The following HEBP1 variants were observed in gnomAD, a reference collection of about 807,000 sequenced individuals.
HEBP1 encodes heme binding protein 1.
HEBP1 carries 13 observed loss-of-function variants against 20.4 expected under a neutral mutation model. That is an observed-to-expected ratio of 0.64 (90% CI 0.42 to 1.01). The LOEUF (loss-of-function observed/expected upper bound fraction) is 1.01. Ranked by LOEUF, HEBP1 falls within the 50% of genes least tolerant of loss-of-function variation. The pLI, the probability that HEBP1 is intolerant of heterozygous loss-of-function variation, is 0.00. For missense variants in HEBP1, 241 were observed against 247.3 expected (o/e 0.97, Z 0.17); for synonymous variants, 92 against 90.7 (o/e 1.01, Z -0.08).
chr12:12,983,759 A>G, intron 3 of HEBP1: 1 of 456,084 alleles, frequency 2.2e-6, no homozygotes, highest in Non-Finnish European at 4.4e-6. Flanking sequence ...AGAGAATTAA[A>G]AGGAAATGGT....
intron 3 of HEBP1, chr12:12,984,592 G>A (rs1199551207): frequency 6.6e-6 from 1 of 152,206 alleles, no homozygotes; most frequent in Non-Finnish European, 1.5e-5. Context: ...AGAATGTAAA[G>A]TTGTGTTGGT....
chr12:12,978,104 A>G (rs1004029780), intron 3 of HEBP1, among the ~76,000 whole-genome samples: 3 of 150,838 alleles, frequency 2.0e-5, no homozygotes, highest in Admixed American at 6.6e-5. Context: ...CTGAAACAGG[A>G]GAAGTGGATC....
intron 1 of HEBP1, among the ~76,000 whole-genome samples, chr12:12,997,235 C>A (rs1864301873): frequency 6.6e-6 from 1 of 152,076 alleles, no homozygotes; most frequent in African/African-American, 2.4e-5. Flanking sequence ...ATCCCAGAGG[C>A]CCCAAATTAA....
rs559425964 is a variant in HEBP1 at position 12,986,903 on chromosome 12, G to A, written c.398+249C>T. ...TGGCTAATGTAGACATTCACTGTAAGCTTAAGCAAAGCTTAAGCTCGTCCC... is the reference window on the plus strand; with the variant it reads ...TGGCTAATGTAGACATTCACTGTAAACTTAAGCAAAGCTTAAGCTCGTCCC... On this transcript the variant is annotated intron_variant, in intron 3 of 3. Coordinates refer to ENST00000014930, the MANE Select transcript of HEBP1 (RefSeq NM_015987.5). This position sits in a 1 kb window ranked among gnomAD's most constrained non-coding sequence, Gnocchi z 4.3. 7.4e-4 allele frequency: 333 copies of A among 450,832 alleles called. No homozygotes were observed. The highest frequency in any genetic ancestry group is 2.1e-3 in the Admixed American group (56 of 26,326). The allele number at this position is 450,832 out of a possible 1,614,324, so 27.9% of individuals were successfully genotyped here.
intron 1 of HEBP1, among the ~76,000 whole-genome samples, chr12:12,992,709 T>C (rs995708128): frequency 6.6e-6 from 1 of 152,188 alleles, no homozygotes; most frequent in African/African-American, 2.4e-5. Flanking sequence ...TAGCAAACTG[T>C]TAAGTAAACT....
chr12:12,975,478 G>C lies in HEBP1; in HGVS notation c.400C>G (p.Gln134Glu). ...EREGITVYSM[Q>E]FGGYAKEADY... Reference sequence around the variant, plus strand: ...GCTTCCTTGGCATAACCACCAAACTGCCTGGGGGTTCAAGAGCAAGGGCTG... The same window carrying C: ...GCTTCCTTGGCATAACCACCAAACTCCCTGGGGGTTCAAGAGCAAGGGCTG... Residue 134 changes from glutamine (Q) to glutamate (E), a missense_variant and splice_region_variant, in exon 4 of 4, where the codon CAG becomes GAG. Transcript: ENST00000014930. The C allele has an allele frequency of 6.2e-7, 1 of 1,603,678 alleles. No individual in the cohort carries two copies. The highest frequency in any genetic ancestry group is 1.3e-5 in the African/African-American group (1 of 74,200).
At chr12:12,994,710 G>C (rs1864270753) in intron 1 of HEBP1, among the ~76,000 whole-genome samples, 2 of 152,088 alleles carry the variant, frequency 1.3e-5, no homozygotes, top group African/African-American at 4.8e-5. Flanking sequence ...GAGCTGGAAG[G>C]GGTCTCATGT....
intron 3 of HEBP1, chr12:12,980,012 G>A (rs917217783): frequency 2.6e-5 from 4 of 152,230 alleles, no homozygotes; most frequent in African/African-American, 9.7e-5. Context: ...AGTGTCTGGT[G>A]CAGGCATGCA....
intron 2 of HEBP1, among the ~76,000 whole-genome samples, chr12:12,988,288 A>G (rs368429120): frequency 6.6e-6 from 1 of 152,220 alleles, no homozygotes; most frequent in Non-Finnish European, 1.5e-5. Flanking sequence ...TTCTTTAGTG[A>G]GTTTTATAAT....
At chr12:12,995,344 C>T (rs1410336464) in intron 1 of HEBP1, among the ~76,000 whole-genome samples, 3 of 152,178 alleles carry the variant, frequency 2.0e-5, no homozygotes, top group East Asian at 1.9e-4. Context: ...TCTTGTTCAC[C>T]GCTGTATCTC....
At chr12:12,997,754 G>A (rs1199939888) in intron 1 of HEBP1, among the ~76,000 whole-genome samples, 2 of 152,194 alleles carry the variant, frequency 1.3e-5, no homozygotes, top group African/African-American at 2.4e-5. Flanking sequence ...ACCCCTCTCC[G>A]CCTGTGTGGG....
intron 3 of HEBP1, among the ~76,000 whole-genome samples, chr12:12,982,644 A>G (rs193005538): frequency 6.6e-6 from 1 of 152,354 alleles, no homozygotes; most frequent in African/African-American, 2.4e-5. Flanking sequence ...CAAATGCACA[A>G]TGAAACCGGC....
At chr12:12,994,148 G>A (rs889407515) in intron 1 of HEBP1, among the ~76,000 whole-genome samples, 16 of 152,198 alleles carry the variant, frequency 1.1e-4, no homozygotes, top group Non-Finnish European at 2.1e-4. Flanking sequence ...CATTTGGGGA[G>A]GATATTCCAG....
At chr12:12,989,121 T>C (rs933631198) in intron 2 of HEBP1, among the ~76,000 whole-genome samples, 156 bp downstream of exon 2, 1 of 152,216 alleles carries the variant, frequency 6.6e-6, no homozygotes, top group Non-Finnish European at 1.5e-5. Context: ...ATTCCTGCAA[T>C]AAACTGCTTG....
chr12:12,989,455 T>G, intron 1 of HEBP1, 40 bp from the exon 2 acceptor site: 1 of 1,606,558 alleles, frequency 6.2e-7, no homozygotes. Context: ...AGGTACAAAG[T>G]AGCAACTTGT....
intron 1 of HEBP1, among the ~76,000 whole-genome samples, chr12:12,994,986 C>T (rs185716480): frequency 6.6e-6 from 1 of 152,318 alleles, no homozygotes; most frequent in East Asian, 1.9e-4. Flanking sequence ...ATGATGCAGG[C>T]ACCACTGAGC....
chr12:12,981,635 A>C (rs1864083900), intron 3 of HEBP1, among the ~76,000 whole-genome samples: 1 of 152,248 alleles, frequency 6.6e-6, no homozygotes, highest in Non-Finnish European at 1.5e-5. Context: ...CCATCTATCC[A>C]GATGGCACTT....
chr12:12,975,534 G>A, intron 3 of HEBP1, 55 bp from the exon 4 acceptor site: 1 of 1,491,974 alleles, frequency 6.7e-7, no homozygotes, highest in Non-Finnish European at 9.1e-7. Flanking sequence ...CTGAGAGAGG[G>A]GGGATCTTTA....
chr12:12,992,561 G>A (rs1864237381), intron 1 of HEBP1, among the ~76,000 whole-genome samples: 1 of 152,092 alleles, frequency 6.6e-6, no homozygotes, highest in African/African-American at 2.4e-5. Flanking sequence ...CCCTTCACAT[G>A]GGGTAGAGGA....
Sources: gnomAD v4.1 joint callset for allele counts (sites outside exome capture counted in the v4.1 genomes callset) on GRCh38, gnomAD v4.1.1 for gene constraint, Gnocchi (gnomAD v3.1) non-coding constraint, MANE v1.5 for transcripts, NCBI Gene and HGNC (gene_info 2026-07-23, HGNC 2026-07-21) for gene names.